DSTN: variants seen among roughly 807,000 people sequenced by gnomAD.
The protein encoded by DSTN is destrin, actin depolymerizing factor.
DSTN carries 10 observed loss-of-function variants against 16.8 expected under a neutral mutation model. The observed-to-expected ratio is 0.60, with a 90% CI of 0.37 to 1.01. The LOEUF is 1.01. DSTN is among the 50% of genes least tolerant of loss of function. DSTN has a pLI of 0.01. For missense variants in DSTN, 141 were observed against 196.7 expected, an observed-to-expected ratio of 0.72 and a Z score of 1.69; for synonymous variants, 57 against 58.9, an observed-to-expected ratio of 0.97 and a Z score of 0.14.
In DSTN at chr20:17,601,179, CATA is replaced by C. The variant is rs1244988345; in HGVS notation, c.311+137_311+139del. On this transcript the variant is annotated intron_variant, in intron 2 of 3. Coordinates refer to ENST00000246069, the MANE Select transcript of DSTN (RefSeq NM_006870.4). Reference sequence around the variant, plus strand: ...TCATTTAATTTTTATTTACAGGTTTCATAATGTTACCAGGGCTGATGTTTATGG... The same window carrying C: ...TCATTTAATTTTTATTTACAGGTTTCATGTTACCAGGGCTGATGTTTATGG... 8.7e-5 allele frequency: 98 copies of C among 1,130,150 alleles called. No homozygotes were observed. The East Asian group carries it at 2.3e-3, about 27-fold the overall frequency. 70.0% of individuals were successfully genotyped at this position (1,130,150 alleles called of 1,614,324 possible). A position where few individuals can be genotyped will look rare whatever the true frequency, so the allele number is the denominator to read the frequency against.
At chr20:17,605,293 G>A (rs941183501) in intron 3 of DSTN, 77 of 397,798 alleles carry the variant, frequency 1.9e-4, no homozygotes, top group Middle Eastern at 5.9e-4. Context: ...CTGCTGTGTG[G>A]CCTTGGCCAG....
At chr20:17,580,474 G>C (rs1450705123) in intron 1 of DSTN, among the ~76,000 whole-genome samples, 1 of 152,188 alleles carries the variant, frequency 6.6e-6, no homozygotes, top group Non-Finnish European at 1.5e-5. Flanking sequence ...AAGGCCAGGC[G>C]TGGTGACTCA....
intron 1 of DSTN, among the ~76,000 whole-genome samples, chr20:17,586,733 G>A (rs1169520421): frequency 1.3e-5 from 2 of 152,158 alleles, no homozygotes; most frequent in Non-Finnish European, 2.9e-5. Context: ...AGAAAGAGTC[G>A]AAGAAGCTCT....
rs2035651279 is a variant in DSTN, at chr20:17,607,140, T to G, written c.492T>G (p.Pro164=). ...TAATTGTAGCCTTTGAAGGATGCCCTGTGTAGATTATTCAGTGCCACAAAT... is the reference window on the plus strand; with the variant it reads ...TAATTGTAGCCTTTGAAGGATGCCCGGTGTAGATTATTCAGTGCCACAAAT... ...GSLIVAFEGC[P]V is the part of the protein sequence containing the mutation. The change falls in exon 4 of 4, where the codon CCT becomes CCG. Residue 164 remains proline, a synonymous_variant. Transcript: ENST00000246069. 1.9e-6 allele frequency: 3 copies of G among 1,611,780 alleles called. No individual in the cohort carries two copies. The highest frequency in any genetic ancestry group is 2.5e-6 in the Non-Finnish European group (3 of 1,179,744).
intron 1 of DSTN, among the ~76,000 whole-genome samples, chr20:17,570,535 C>T (rs967160803): frequency 2.6e-5 from 4 of 152,162 alleles, no homozygotes; most frequent in African/African-American, 9.6e-5. Flanking sequence ...CGCCCCCACC[C>T]GCTCTGTGAA....
At chr20:17,603,083 G>A (rs1159109263) in intron 2 of DSTN, among the ~76,000 whole-genome samples, 1 of 152,212 alleles carries the variant, frequency 6.6e-6, no homozygotes, top group Non-Finnish European at 1.5e-5. Context: ...CTGAGGTTGT[G>A]ATGGCTCTGC....
intron 1 of DSTN, 129 bp from the exon 2 acceptor site, chr20:17,600,608 TC>T: frequency 8.9e-7 from 1 of 1,122,770 alleles, no homozygotes; most frequent in Admixed American, 3.3e-5. Flanking sequence ...AGCTCAAATT[TC>T]TAGTTTTTTA....
At chr20:17,570,435 C>T (rs1452937056) in intron 1 of DSTN, among the ~76,000 whole-genome samples, 2 of 152,238 alleles carry the variant, frequency 1.3e-5, no homozygotes, top group Non-Finnish European at 2.9e-5. Context: ...GGCTGTTGCG[C>T]AGCTCCCAGC....
At chr20:17,577,774 C>G (rs1352796559) in intron 1 of DSTN, among the ~76,000 whole-genome samples, 2 of 152,038 alleles carry the variant, frequency 1.3e-5, no homozygotes, top group African/African-American at 2.4e-5. Context: ...ATATATTTTA[C>G]ACTGAAAGCA....
intron 1 of DSTN, among the ~76,000 whole-genome samples, chr20:17,570,506 A>G (rs993504411): frequency 1.3e-5 from 2 of 152,118 alleles, no homozygotes; most frequent in Non-Finnish European, 2.9e-5. Context: ...CGGCCTTGCA[A>G]CAACTGGCTG....
At chr20:17,604,009 T>G (rs912868162) in intron 2 of DSTN, among the ~76,000 whole-genome samples, 1 of 152,162 alleles carries the variant, frequency 6.6e-6, no homozygotes, top group Admixed American at 6.5e-5. Flanking sequence ...TTGTCCTTTT[T>G]TTTAAGTTTT....
intron 1 of DSTN, among the ~76,000 whole-genome samples, chr20:17,585,249 CTT>C (rs1390654702): frequency 1.3e-5 from 2 of 152,072 alleles, no homozygotes; most frequent in African/African-American, 2.4e-5. Flanking sequence ...TTGTTAAAGA[CTT>C]AATCTTGGGA....
At chr20:17,586,057 C>T (rs1196116983) in intron 1 of DSTN, among the ~76,000 whole-genome samples, 1 of 152,050 alleles carries the variant, frequency 6.6e-6, no homozygotes, top group Non-Finnish European at 1.5e-5. Flanking sequence ...AAACAGGTCG[C>T]CCGAGAGAGG....
In DSTN at chr20:17,578,817, C is replaced by G. The variant is rs137870739; in HGVS notation, c.3+8606C>G. Reference sequence around the variant, plus strand: ...CCTCTGCTAAAAATACAAAATTAGCCGGGTGTGGTGGCTCATGCCTGTAAT... The same window carrying G: ...CCTCTGCTAAAAATACAAAATTAGCGGGGTGTGGTGGCTCATGCCTGTAAT... On this transcript the variant is annotated intron_variant, in intron 1 of 3. Transcript: ENST00000246069. 3.1e-4 allele frequency among the ~76,000 whole-genome samples: 47 copies of G among 151,976 alleles called. 2 individuals are homozygous for G. The highest frequency in any genetic ancestry group is 2.9e-5 in the Non-Finnish European group (2 of 68,000).
intron 1 of DSTN, among the ~76,000 whole-genome samples, chr20:17,594,003 C>G (rs1279103725): frequency 1.3e-5 from 2 of 152,012 alleles, no homozygotes; most frequent in Non-Finnish European, 2.9e-5. Context: ...ATCACTTGAG[C>G]CCAGGAGTGC....
chr20:17,597,563 G>T (rs930963013), intron 1 of DSTN, among the ~76,000 whole-genome samples: 1 of 152,126 alleles, frequency 6.6e-6, no homozygotes, highest in Admixed American at 6.5e-5. Context: ...TCCATCACCC[G>T]AATAACATAC....
chr20:17,606,210 T>C (rs1470594875), intron 3 of DSTN, among the ~76,000 whole-genome samples: 1 of 152,262 alleles, frequency 6.6e-6, no homozygotes, highest in Non-Finnish European at 1.5e-5. Flanking sequence ...TGACCTGCTG[T>C]GCTTTCAGCA....
intron 1 of DSTN, among the ~76,000 whole-genome samples, chr20:17,597,890 TA>T (rs1490229293): frequency 1.3e-5 from 2 of 152,200 alleles, no homozygotes; most frequent in Admixed American, 6.5e-5. Context: ...CTAATCTACC[TA>T]CTGTCTGTTG....
chr20:17,588,419 A>AC (rs2035433982), intron 1 of DSTN, among the ~76,000 whole-genome samples: 1 of 152,156 alleles, frequency 6.6e-6, no homozygotes, highest in African/African-American at 2.4e-5. Context: ...TGTTCTCAGG[A>AC]CCGCCTAAGG....
Sources: allele counts gnomAD v4.1 joint callset (sites outside exome capture counted in the v4.1 genomes callset), GRCh38; gene constraint gnomAD v4.1.1; transcripts MANE v1.5; gene names NCBI Gene and HGNC (gene_info 2026-07-23, HGNC 2026-07-21).